TBC1D23: variants seen among roughly 807,000 people sequenced by gnomAD.
TBC1D23 encodes HCV non-structural protein 4A-transactivated protein 1.
Under a neutral mutation model 91.4 loss-of-function variants are expected in TBC1D23, and 55 were observed. That is an observed-to-expected ratio of 0.60 (90% CI 0.48 to 0.75). TBC1D23 has a LOEUF of 0.75. TBC1D23 is among the 30% of genes least tolerant of loss of function. The pLI is 0.00. For missense variants in TBC1D23, 725 were observed against 836.1 expected (o/e 0.87, Z 1.64); for synonymous variants, 289 against 281.0 (o/e 1.03, Z -0.28).
intron 15 of TBC1D23, 145 bp from the exon 16 acceptor site, chr3:100,315,954 C>A: frequency 1.6e-6 from 1 of 644,600 alleles, no homozygotes. Flanking sequence ...ACATAGCTCT[C>A]CTAAAACTAT....
intron 17 of TBC1D23, among the ~76,000 whole-genome samples, chr3:100,320,492 A>C (rs1378580468): frequency 6.6e-6 from 1 of 152,074 alleles, no homozygotes; most frequent in African/African-American, 2.4e-5. Flanking sequence ...TTCAATAAAA[A>C]ATATATTATT....
At chr3:100,300,701 T>C (rs915530596) in intron 10 of TBC1D23, among the ~76,000 whole-genome samples, 1 of 151,812 alleles carries the variant, frequency 6.6e-6, no homozygotes, top group Non-Finnish European at 1.5e-5. Context: ...AGGGGGTTCA[T>C]GTTGGCCAGG....
At chr3:100,268,274 A>G (rs1219483379) in intron 1 of TBC1D23, among the ~76,000 whole-genome samples, 1 of 152,132 alleles carries the variant, frequency 6.6e-6, no homozygotes, top group Non-Finnish European at 1.5e-5. Context: ...CATCTCATAT[A>G]TATGTGCAAT....
intron 1 of TBC1D23, among the ~76,000 whole-genome samples, chr3:100,268,099 T>C (rs1288100005): frequency 1.3e-5 from 2 of 151,990 alleles, no homozygotes; most frequent in Non-Finnish European, 2.9e-5. Flanking sequence ...TTTAACGGGA[T>C]GAATCGAGGC....
At chr3:100,295,007 T>G in intron 5 of TBC1D23, 80 bp from the exon 6 acceptor site, 1 of 1,328,008 alleles carries the variant, frequency 7.5e-7, no homozygotes, top group South Asian at 1.6e-5. Context: ...ATAATGTTTC[T>G]TATTCATTTG....
intron 2 of TBC1D23, among the ~76,000 whole-genome samples, chr3:100,280,849 C>T (rs1000162792): frequency 1.3e-5 from 2 of 152,152 alleles, no homozygotes; most frequent in Non-Finnish European, 2.9e-5. Context: ...TACTAAAAGT[C>T]TGAAACGTTT....
chr3:100,315,979 GT>G, intron 15 of TBC1D23, 119 bp from the exon 16 acceptor site: 1 of 763,976 alleles, frequency 1.3e-6, no homozygotes, highest in Non-Finnish European at 2.3e-6. Context: ...AGTACATGGG[GT>G]TTTGGGGGGG....
chr3:100,291,046 A>G (rs1235812024), intron 5 of TBC1D23, among the ~76,000 whole-genome samples: 1 of 152,236 alleles, frequency 6.6e-6, no homozygotes, highest in Non-Finnish European at 1.5e-5. Context: ...AGTTCAATTG[A>G]GAACTTTGTT....
At chr3:100,301,820 CT>C (rs1705438824) in intron 10 of TBC1D23, 4 of 382,884 alleles carry the variant, frequency 1.0e-5, no homozygotes, top group African/African-American at 8.5e-5. Flanking sequence ...CAGTTTTTCT[CT>C]AGTAGAGAAT....
In TBC1D23 at chr3:100,322,094, AAATT is replaced by A. The variant is rs574800035; in HGVS notation, c.2018+1136_2018+1139del. Among the ~76,000 whole-genome samples, 548 of 145,892 alleles carry A rather than the reference AAATT, an allele frequency of 3.8e-3. 2 individuals are homozygous for A. The highest frequency in any genetic ancestry group is 5.5e-3 in the Non-Finnish European group (360 of 65,776). On this transcript the variant is annotated intron_variant, in intron 18 of 18. Coordinates refer to ENST00000394144, the MANE Select transcript of TBC1D23 (RefSeq NM_001199198.3). ...CATTTTAATAAATATAAATTTTTTAAAATTAATTAATTAATTTTTTTGAGACGGA... is the reference window on the plus strand; with the variant it reads ...CATTTTAATAAATATAAATTTTTTAAAATTAATTAATTTTTTTGAGACGGA...
rs763564679 is a variant in TBC1D23, at chr3:100,297,976, A to G, written c.930A>G (p.Ala310=). The G allele has an allele frequency of 7.4e-6, 12 of 1,612,812 alleles. No individual in the cohort carries two copies. The East Asian group carries it at 2.5e-4, about 33-fold the overall frequency. ...STLLGIKDDD[A]DLSQALCLAI... ...TGTTGGGAATTAAGGATGATGATGC[A>G]GATCTGAGTCAGGCTCTTTGTCTGG... is the stretch of plus-strand genomic sequence containing the variant. The change falls in exon 9 of 19, where the codon GCA becomes GCG. Residue 310 remains alanine (A), a synonymous_variant. Coordinates refer to ENST00000394144, the MANE Select transcript of TBC1D23 (RefSeq NM_001199198.3).
At chr3:100,289,181 C>G (rs1305418281) in intron 4 of TBC1D23, among the ~76,000 whole-genome samples, 1 of 152,080 alleles carries the variant, frequency 6.6e-6, no homozygotes, top group Non-Finnish European at 1.5e-5. Context: ...CGCCATTGCA[C>G]TCCAACCTGA....
At position 100,314,280 on chromosome 3, in the gene TBC1D23, T is replaced by C. The variant is rs544963602; in HGVS notation, c.1599-1819T>C. Among the ~76,000 whole-genome samples the C allele has an allele frequency of 1.2e-3, 178 of 151,988 alleles. 1 individual carries two copies. Among genetic ancestry groups the C allele is most frequent in the African/African-American group, 4.2e-3 (172 of 41,436 alleles). Reference sequence around the variant, plus strand: ...CACCCAGCTGATTTTTAAATTTTAGTAGAGACGGGGTTTCACCATGTTAGC... The same window carrying C: ...CACCCAGCTGATTTTTAAATTTTAGCAGAGACGGGGTTTCACCATGTTAGC... On this transcript the variant is annotated intron_variant, in intron 15 of 18. Coordinates refer to ENST00000394144, the MANE Select transcript of TBC1D23 (RefSeq NM_001199198.3).
At chr3:100,311,379 C>T (rs191619876) in intron 14 of TBC1D23, among the ~76,000 whole-genome samples, 3 of 152,136 alleles carry the variant, frequency 2.0e-5, no homozygotes, top group Non-Finnish European at 1.5e-5. Flanking sequence ...AGTAAATAGC[C>T]GAGAAGGTAA....
chr3:100,322,896 T>C (rs1046746230), intron 18 of TBC1D23, among the ~76,000 whole-genome samples: 4 of 152,158 alleles, frequency 2.6e-5, no homozygotes, highest in Admixed American at 2.0e-4. Context: ...ATAACACTCA[T>C]AGATGATTTA....
intron 1 of TBC1D23, among the ~76,000 whole-genome samples, chr3:100,276,907 T>C (rs2067653095): frequency 6.6e-6 from 1 of 152,210 alleles, no homozygotes; most frequent in African/African-American, 2.4e-5. Flanking sequence ...GCAAAGGAGA[T>C]AATTTTGCTT....
chr3:100,295,440 C>G lies in TBC1D23; in HGVS notation c.772+92C>G, dbSNP rs570737698. On this transcript the variant is annotated intron_variant, in intron 7 of 18. Coordinates refer to ENST00000394144, the MANE Select transcript of TBC1D23 (RefSeq NM_001199198.3). ...TCATTCGTAAATTTAGGAGATTAGTCTAGAAGAGCTCTGAGGCTCCATTCA... is the reference window on the plus strand; with the variant it reads ...TCATTCGTAAATTTAGGAGATTAGTGTAGAAGAGCTCTGAGGCTCCATTCA... The G allele has an allele frequency of 8.1e-6, 8 of 987,108 alleles. No individual in the cohort carries two copies. In the South Asian group the frequency reaches 1.4e-4, roughly 17 times the overall value. 61.1% of individuals were successfully genotyped at this position (987,108 alleles called of 1,614,324 possible). A position where few individuals can be genotyped will look rare whatever the true frequency, so the allele number is the denominator to read the frequency against.
intron 1 of TBC1D23, chr3:100,261,325 G>C (rs2067508679): frequency 1.8e-6 from 1 of 543,744 alleles, no homozygotes; most frequent in African/African-American, 1.9e-5. Context: ...CTCCTGTGTC[G>C]TCTGTCAGTC....
chr3:100,288,932 G>C (rs1469735012), intron 4 of TBC1D23, among the ~76,000 whole-genome samples: 1 of 152,116 alleles, frequency 6.6e-6, no homozygotes, highest in Non-Finnish European at 1.5e-5. Flanking sequence ...AACTACCTCT[G>C]GCCCGGCATG....
Sources: gnomAD v4.1 joint callset for allele counts (sites outside exome capture counted in the v4.1 genomes callset) on GRCh38, gnomAD v4.1.1 for gene constraint, MANE v1.5 for transcripts, NCBI Gene and HGNC (gene_info 2026-07-23, HGNC 2026-07-21) for gene names.